The following LRCH1 variants were observed in gnomAD, a reference collection of about 807,000 sequenced individuals.
LRCH1 encodes leucine-rich repeat and calponin homology domain-containing protein 1.
A neutral mutation model predicts 94.9 loss-of-function variants in LRCH1; 23 were observed. The ratio of observed to expected loss-of-function variants is 0.24; its 90% confidence interval spans 0.17 to 0.34. The LOEUF is 0.34. Among genes scored for constraint, LRCH1 ranks in the 10% least tolerant of loss-of-function variants. The pLI is 1.00. For synonymous variants in LRCH1, 364 were observed against 354.9 expected (o/e 1.03, Z -0.29); for missense variants, 790 against 945.9 (o/e 0.84, Z 2.16).
At chr13:46,740,041 A>C (rs867167460) in intron 19 of LRCH1, among the ~76,000 whole-genome samples, 1 of 152,240 alleles carries the variant, frequency 6.6e-6, no homozygotes, top group African/African-American at 2.4e-5. Context: ...AGTTTTGTGA[A>C]AATCACATTT....
At chr13:46,667,685 TAAAA>T (rs1326623599) in intron 2 of LRCH1, among the ~76,000 whole-genome samples, 1 of 151,372 alleles carries the variant, frequency 6.6e-6, no homozygotes, top group African/African-American at 2.4e-5. Flanking sequence ...ATTAAAAAAA[TAAAA>T]AATAAAAAAT....
chr13:46,619,064 T>TCC (rs1555273945), intron 1 of LRCH1, among the ~76,000 whole-genome samples: 1,710 of 114,592 alleles, frequency 0.015, 36 homozygotes, highest in East Asian at 0.044. Context: ...TCTTTTCTTT[T>TCC]TTCCTTCCTT....
intron 1 of LRCH1, among the ~76,000 whole-genome samples, chr13:46,596,959 T>C (rs2050571103): frequency 6.6e-6 from 1 of 152,174 alleles, no homozygotes; most frequent in African/African-American, 2.4e-5. Flanking sequence ...CCAGAAAGGT[T>C]TGAATAGACT....
intron 1 of LRCH1, among the ~76,000 whole-genome samples, chr13:46,619,770 A>G (rs2138021147): frequency 6.6e-6 from 1 of 152,310 alleles, no homozygotes; most frequent in East Asian, 1.9e-4. Flanking sequence ...GTTGTTTGGA[A>G]GATGGAGTAA....
At chr13:46,608,747 A>T (rs2050714833) in intron 1 of LRCH1, among the ~76,000 whole-genome samples, 1 of 152,216 alleles carries the variant, frequency 6.6e-6, no homozygotes, top group African/African-American at 2.4e-5. Context: ...TGCAGTCTTT[A>T]ACTTGGACTG....
chr13:46,740,292 C>G (rs1873585633), intron 19 of LRCH1, among the ~76,000 whole-genome samples: 1 of 152,178 alleles, frequency 6.6e-6, no homozygotes, highest in African/African-American at 2.4e-5. Flanking sequence ...AGAAAAGATA[C>G]AACATCTGAA....
At chr13:46,620,975 A>G (rs1224388804) in intron 1 of LRCH1, among the ~76,000 whole-genome samples, 1 of 152,202 alleles carries the variant, frequency 6.6e-6, no homozygotes, top group African/African-American at 2.4e-5. Context: ...GTTGGCTCTT[A>G]GAACAGGGAC....
chr13:46,704,306 C>A (rs1486715375), intron 11 of LRCH1, among the ~76,000 whole-genome samples: 1 of 151,876 alleles, frequency 6.6e-6, no homozygotes, highest in African/African-American at 2.4e-5. Context: ...TTTCATAGAT[C>A]CAGGAATTTT....
chr13:46,573,997 C>T (rs1225121891), intron 1 of LRCH1, among the ~76,000 whole-genome samples: 3 of 150,622 alleles, frequency 2.0e-5, no homozygotes, highest in African/African-American at 4.9e-5. Flanking sequence ...AGGCACACAC[C>T]ACCATGCCCG....
intron 17 of LRCH1, among the ~76,000 whole-genome samples, chr13:46,725,424 T>C (rs1368965908): frequency 1.3e-5 from 2 of 152,232 alleles, no homozygotes; most frequent in Non-Finnish European, 1.5e-5. Flanking sequence ...CATCAGCACA[T>C]GTGTATTGAC....
At chr13:46,642,098 G>C (rs2051164857) in intron 1 of LRCH1, among the ~76,000 whole-genome samples, 1 of 152,234 alleles carries the variant, frequency 6.6e-6, no homozygotes, top group Non-Finnish European at 1.5e-5. Context: ...TGCCCATTGT[G>C]GGTTGGATGG....
intron 15 of LRCH1, among the ~76,000 whole-genome samples, chr13:46,714,461 G>A (rs1040916517): frequency 3.3e-5 from 5 of 152,126 alleles, no homozygotes; most frequent in Non-Finnish European, 7.4e-5. Flanking sequence ...AACCACTTTT[G>A]ATCGAGTAGC....
At chr13:46,731,994 T>G (rs1251226705) in intron 18 of LRCH1, among the ~76,000 whole-genome samples, 1 of 152,218 alleles carries the variant, frequency 6.6e-6, no homozygotes, top group African/African-American at 2.4e-5. Context: ...TTCCTTTAGG[T>G]TGCTAATATT....
At chr13:46,555,764 G>A (rs1302008515) in intron 1 of LRCH1, among the ~76,000 whole-genome samples, 1 of 152,168 alleles carries the variant, frequency 6.6e-6, no homozygotes, top group Non-Finnish European at 1.5e-5. Context: ...AGTATTCATT[G>A]CAGCTAGTTA....
At chr13:46,697,789 A>G (rs542203502) in intron 9 of LRCH1, among the ~76,000 whole-genome samples, 1 of 152,328 alleles carries the variant, frequency 6.6e-6, no homozygotes, top group South Asian at 2.1e-4. Context: ...AGGCAAATTC[A>G]CAAATGCAGA....
intron 16 of LRCH1, among the ~76,000 whole-genome samples, chr13:46,721,183 A>T (rs1872569422): frequency 6.6e-6 from 1 of 152,224 alleles, no homozygotes; most frequent in Non-Finnish European, 1.5e-5. Flanking sequence ...CTCATGGTTC[A>T]TTTAACTTCC....
intron 16 of LRCH1, among the ~76,000 whole-genome samples, chr13:46,722,170 T>C (rs192172593): frequency 1.3e-5 from 2 of 152,366 alleles, no homozygotes; most frequent in African/African-American, 4.8e-5. Flanking sequence ...ATCATCATGA[T>C]TGAAACTTCT....
chr13:46,661,064 T>C (rs564955643), intron 2 of LRCH1, among the ~76,000 whole-genome samples: 2 of 152,336 alleles, frequency 1.3e-5, no homozygotes, highest in African/African-American at 4.8e-5. Flanking sequence ...CATTAACTAC[T>C]AGTTCAGTAT....
At chr13:46,621,114 T>C (rs2050874981) in intron 1 of LRCH1, among the ~76,000 whole-genome samples, 1 of 152,246 alleles carries the variant, frequency 6.6e-6, no homozygotes, top group African/African-American at 2.4e-5. Context: ...CATTTTTTGA[T>C]ACTTTCATCT....
Sources: allele counts gnomAD v4.1 joint callset (sites outside exome capture counted in the v4.1 genomes callset), GRCh38; gene constraint gnomAD v4.1.1; transcripts MANE v1.5; gene names NCBI Gene and HGNC (gene_info 2026-07-23, HGNC 2026-07-21).